HSD11B1L: variants seen among roughly 807,000 people sequenced by gnomAD.
HSD11B1L encodes hydroxysteroid 11-beta dehydrogenase 1 like.
HSD11B1L carries 22 observed loss-of-function variants against 27.0 expected under a neutral mutation model. That is an observed-to-expected ratio of 0.81 (90% confidence interval 0.58 to 1.16). HSD11B1L has a LOEUF of 1.16. Ranked by LOEUF, HSD11B1L falls within the 50% of genes most tolerant of loss-of-function variation. HSD11B1L has a pLI of 0.00. For missense variants in HSD11B1L, 372 were observed against 401.8 expected (o/e 0.93, Z 0.63); for synonymous variants, 187 against 189.2 (o/e 0.99, Z 0.09).
At chr19:5,686,311 AG>A (rs3215972) in intron 3 of HSD11B1L, 104 bp from the exon 4 acceptor site, 14,806 of 714,820 alleles carry the variant, frequency 0.021, 199 homozygotes, top group East Asian at 0.028. Context: ...GGCTCAGAGT[AG>A]GGGGGGGTTT....
chr19:5,687,485 T>C lies in HSD11B1L; in HGVS notation c.503-18T>C, dbSNP rs770269298. The C allele has an allele frequency of 8.2e-6, 13 of 1,588,728 alleles. No homozygotes were observed. In the South Asian group the frequency reaches 1.4e-4, roughly 18 times the overall value. On this transcript the variant is annotated intron_variant, in intron 6 of 7. Coordinates refer to ENST00000339423, the MANE Select transcript of HSD11B1L (RefSeq NM_198706.3). The surrounding 1 kb of genome is among the most constrained non-coding windows in gnomAD (Gnocchi z 6.6). Reference sequence around the variant, plus strand: ...GGACGAGGGGGAGCCACTCAGCCGCTGCCGTCCGCGCCCCCAGGCCGCGTG... The same window carrying C: ...GGACGAGGGGGAGCCACTCAGCCGCCGCCGTCCGCGCCCCCAGGCCGCGTG...
At chr19:5,683,737 C>T (rs1216427339) in intron 1 of HSD11B1L, among the ~76,000 whole-genome samples, 4 of 151,954 alleles carry the variant, frequency 2.6e-5, no homozygotes, top group African/African-American at 7.2e-5. Flanking sequence ...ACAAAAAATA[C>T]GATGATTAGT....
In HSD11B1L at chr19:5,688,411, T is replaced by A. The variant is rs1454323270; in HGVS notation, c.*466T>A. ...TACTCTTCACACCTGCAGGGGCGTC[T>A]ACACTGTTCGTCTACCTGGTGGCAG... On this transcript the variant is annotated 3_prime_UTR_variant, in exon 8 of 8. Coordinates refer to ENST00000339423, the MANE Select transcript of HSD11B1L (RefSeq NM_198706.3). 3.4e-6 allele frequency: 2 copies of A among 579,908 alleles called. No individual in the cohort carries two copies. The highest frequency in any genetic ancestry group is 6.3e-5 in the Admixed American group (2 of 31,864). The allele number at this position is 579,908 out of a possible 1,614,324, so 35.9% of individuals were successfully genotyped here.
chr19:5,681,426 C>A (rs950620491), intron 1 of HSD11B1L, among the ~76,000 whole-genome samples, 155 bp downstream of exon 1: 6 of 152,232 alleles, frequency 3.9e-5, no homozygotes, highest in African/African-American at 1.2e-4. Context: ...AACCGTTCAT[C>A]TGCCCATCCA....
chr19:5,686,569 C>G (rs920561032), intron 4 of HSD11B1L, 42 bp downstream of exon 4: 16 of 1,484,442 alleles, frequency 1.1e-5, no homozygotes, highest in Non-Finnish European at 1.4e-5. Context: ...GGACCGTGGC[C>G]TAGGCCTTAG....
At chr19:5,686,284 T>G in intron 3 of HSD11B1L, 132 bp from the exon 4 acceptor site, 1 of 628,770 alleles carries the variant, frequency 1.6e-6, no homozygotes, top group Non-Finnish European at 2.7e-6. Context: ...TTGGGAATGA[T>G]GTTGAATGGG....
At chr19:5,681,744 C>G (rs1171277752) in intron 1 of HSD11B1L, among the ~76,000 whole-genome samples, 1 of 151,860 alleles carries the variant, frequency 6.6e-6, no homozygotes, top group African/African-American at 2.4e-5. Flanking sequence ...ATCCATCTAT[C>G]CACCCATACA....
In HSD11B1L at chr19:5,687,675, C is replaced by G. The variant is rs1340768850; in HGVS notation, c.668+7C>G. ...CCGCCGCCGAGGCAGTCAGGTGAGG[C>G]CCGGACAAGCTGGGGGCTGGGCTGG... On this transcript the variant is annotated splice_region_variant and intron_variant, in intron 7 of 7. Transcript: ENST00000339423. This position sits in a 1 kb window ranked among gnomAD's most constrained non-coding sequence, Gnocchi z 6.6. 6.4e-7 allele frequency: 1 copy of G among 1,571,098 alleles called. No homozygotes were observed. Among genetic ancestry groups the G allele is most frequent in the Non-Finnish European group, 8.6e-7 (1 of 1,163,808 alleles).
At chr19:5,684,949 C>T (rs1263304770) in intron 2 of HSD11B1L, 40 bp from the exon 3 acceptor site, 1 of 1,612,862 alleles carries the variant, frequency 6.2e-7, no homozygotes. Flanking sequence ...GGCCAGCTGT[C>T]CTGTCCTCCG....
In HSD11B1L at chr19:5,685,875, G is replaced by A. The variant is rs1455759111; in HGVS notation, c.205-541G>A. Among the ~76,000 whole-genome samples the A allele has an allele frequency of 6.6e-6, 1 of 152,220 alleles. No individual in the cohort carries two copies. Among genetic ancestry groups the A allele is most frequent in the East Asian group, 1.9e-4 (1 of 5,204 alleles). ...GCCGAGATCGCACTACTGCACTCCA[G>A]CCTGGGCAACAAAGTGAGACTCTGT... On this transcript the variant is annotated intron_variant, in intron 3 of 7. Coordinates refer to ENST00000339423, the MANE Select transcript of HSD11B1L (RefSeq NM_198706.3). This position sits in a 1 kb window ranked among gnomAD's most constrained non-coding sequence, Gnocchi z 4.3.
Position 5,687,198 on chromosome 19 carries a change from G to C in HSD11B1L, c.409-84G>C. 1 of 1,462,338 alleles carries C rather than the reference G, an allele frequency of 6.8e-7. No individual in the cohort carries two copies. The highest frequency in any genetic ancestry group is 1.4e-5 in the African/African-American group (1 of 71,776). The allele number at this position is 1,462,338 out of a possible 1,614,324, so 90.6% of individuals were successfully genotyped here. A position where few individuals can be genotyped will look rare whatever the true frequency, so the allele number is the denominator to read the frequency against. ...GGTTTCTGGCCCCGTCTCTGACCCG[G>C]CCCTGGCCCCGCCCTCTGGGTTTCT... On this transcript the variant is annotated intron_variant, in intron 5 of 7. Transcript: ENST00000339423. This position sits in a 1 kb window ranked among gnomAD's most constrained non-coding sequence, Gnocchi z 6.6.
In HSD11B1L at chr19:5,686,468, C is replaced by T. The variant is rs1181841119; in HGVS notation, c.257C>T (p.Ala86Val). The T allele has an allele frequency of 1.9e-6, 3 of 1,588,446 alleles. No individual in the cohort carries two copies. The highest frequency in any genetic ancestry group is 3.7e-5 in the Admixed American group (2 of 54,260). The change falls in exon 4 of 8, where the codon GCG (alanine) becomes GTG (valine). Residue 86 changes from alanine (A) to valine (V), a missense_variant. Coordinates refer to ENST00000339423, the MANE Select transcript of HSD11B1L (RefSeq NM_198706.3). The stretch of plus-strand genomic sequence containing the variant: ...GCCCCCAAGGTCTTCTACATCGCGG[C>T]GGACATGGCCTCCCCTGAGGCGCCC... ...LGAPKVFYIA[A>V]DMASPEAPES...
rs1289335490 is a variant in HSD11B1L at position 5,687,007 on chromosome 19, G to A, written c.408+16G>A. The A allele has an allele frequency of 2.0e-6, 3 of 1,534,630 alleles. No homozygotes were observed. Among genetic ancestry groups the A allele is most frequent in the Non-Finnish European group, 2.6e-6 (3 of 1,140,360 alleles). On this transcript the variant is annotated intron_variant, in intron 5 of 7. Transcript: ENST00000339423. This position sits in a 1 kb window ranked among gnomAD's most constrained non-coding sequence, Gnocchi z 6.6. ...GCTCATGCAGGTGCTCCGCTCCTCC[G>A]CGGCCCCGGCCCGCCCCTCTATCTC...
At position 5,684,845 on chromosome 19, in the gene HSD11B1L, C is replaced by A. The variant is rs2145548740; in HGVS notation, c.13C>A (p.Leu5Ile). 6.2e-7 allele frequency: 1 copy of A among 1,613,836 alleles called. No homozygotes were observed. Among genetic ancestry groups the A allele is most frequent in the East Asian group, 2.2e-5 (1 of 44,880 alleles). The change falls in exon 2 of 8, where the codon CTC becomes ATC. Residue 5 changes from leucine (L) to isoleucine (I), a missense_variant. Coordinates refer to ENST00000339423, the MANE Select transcript of HSD11B1L (RefSeq NM_198706.3). ...CCCACACAGGACCATGAAGGTGCTT[C>A]TCCTCACAGGGCTGGGGGCCCTGTT... Reference protein sequence around the residue: MKVLLLTGLGALFFA... With the variant: MKVLILTGLGALFFA...
At position 5,687,500 on chromosome 19, in the gene HSD11B1L, C is replaced by G; in HGVS notation, c.503-3C>G. 2 of 1,595,204 alleles carry G rather than the reference C, an allele frequency of 1.3e-6. No individual in the cohort carries two copies. The highest frequency in any genetic ancestry group is 1.7e-5 in the Admixed American group (1 of 59,642). Reference sequence around the variant, plus strand: ...ACTCAGCCGCTGCCGTCCGCGCCCCCAGGCCGCGTGCCCACGTCGTTCTCC... The same window carrying G: ...ACTCAGCCGCTGCCGTCCGCGCCCCGAGGCCGCGTGCCCACGTCGTTCTCC... On this transcript the variant is annotated splice_region_variant and splice_polypyrimidine_tract_variant and intron_variant, in intron 6 of 7. Coordinates refer to ENST00000339423, the MANE Select transcript of HSD11B1L (RefSeq NM_198706.3). This position sits in a 1 kb window ranked among gnomAD's most constrained non-coding sequence, Gnocchi z 6.6.
chr19:5,687,593 T>C lies in HSD11B1L; in HGVS notation c.593T>C (p.Val198Ala). Reference sequence around the variant, plus strand: ...GGCTCCCTGCGGCGGGAGCTGGACGTGCAGGACGTGAACGTGGCCATCACC... The same window carrying C: ...GGCTCCCTGCGGCGGGAGCTGGACGCGCAGGACGTGAACGTGGCCATCACC... ...FFGSLRRELD[V>A]QDVNVAITMC... The change falls in exon 7 of 8, where the codon GTG (valine) becomes GCG (alanine). Residue 198 changes from valine to alanine, a missense_variant. Physicochemically the swap from Val to Ala is moderately conservative, Grantham distance 64. Transcript: ENST00000339423. This position sits in a 1 kb window ranked among gnomAD's most constrained non-coding sequence, Gnocchi z 6.6. The C allele has an allele frequency of 6.3e-7, 1 of 1,598,372 alleles. No individual in the cohort carries two copies. The highest frequency in any genetic ancestry group is 8.5e-7 in the Non-Finnish European group (1 of 1,178,756).
chr19:5,681,664 G>GTCCATCCA (rs749666565), intron 1 of HSD11B1L, among the ~76,000 whole-genome samples: 23 of 147,858 alleles, frequency 1.6e-4, no homozygotes, highest in African/African-American at 5.8e-4. Context: ...GCATCCGTCC[G>GTCCATCCA]TCCATCCATC....
rs2054676759 is a variant in HSD11B1L at position 5,685,848 on chromosome 19, G to A, written c.205-568G>A. 6.6e-6 allele frequency among the ~76,000 whole-genome samples: 1 copy of A among 152,200 alleles called. No individual in the cohort carries two copies. Among genetic ancestry groups the A allele is most frequent in the African/African-American group, 2.4e-5 (1 of 41,442 alleles). On this transcript the variant is annotated intron_variant, in intron 3 of 7. Transcript: ENST00000339423. The surrounding 1 kb of genome is among the most constrained non-coding windows in gnomAD (Gnocchi z 4.3). ...GAACCCCGGAGGCAGAGGTTGCAGT[G>A]AGCCGAGATCGCACTACTGCACTCC... is the stretch of plus-strand genomic sequence containing the variant.
chr19:5,686,436 G>A lies in HSD11B1L; in HGVS notation c.225G>A (p.Lys75=). The A allele has an allele frequency of 6.3e-7, 1 of 1,579,450 alleles. No homozygotes were observed. The highest frequency in any genetic ancestry group is 8.6e-7 in the Non-Finnish European group (1 of 1,164,358). ...CCCAGGTGGTAGGGAACTGCCGGAA[G>A]CTGGGCGCCCCCAAGGTCTTCTACA... ...LLQKVVGNCR[K]LGAPKVFYIA... The change falls in exon 4 of 8, where the codon AAG becomes AAA. Residue 75 remains lysine (K), a synonymous_variant. Transcript: ENST00000339423.
Sources: allele counts gnomAD v4.1 joint callset (sites outside exome capture counted in the v4.1 genomes callset), GRCh38; gene constraint gnomAD v4.1.1; non-coding constraint Gnocchi (gnomAD v3.1); transcripts MANE v1.5; gene names NCBI Gene and HGNC (gene_info 2026-07-23, HGNC 2026-07-21).